Variants in C7orf33 observed in about 807,000 individuals in gnomAD.
C7orf33 encodes the protein chromosome 7 open reading frame 33, also known as uncharacterized protein C7orf33.
In C7orf33, 15 loss-of-function variants were observed where a neutral mutation model predicts 13.4. That is an observed-to-expected ratio of 1.12 (90% CI 0.75 to 1.72). C7orf33 has a LOEUF of 1.72. C7orf33 is among the 40% of genes most tolerant of loss of function. The probability of loss-of-function intolerance (pLI) is 0.00; values close to 1 mark genes in which losing one functional copy is unlikely to be tolerated. For missense variants in C7orf33, 187 were observed against 220.3 expected (o/e 0.85, Z 0.96); for synonymous variants, 73 against 83.2 (o/e 0.88, Z 0.67).
chr7:148,614,070 G>A lies in C7orf33; in HGVS notation c.233G>A (p.Arg78Gln), dbSNP rs200989751. Residue 78 changes from arginine to glutamine, a missense_variant, in exon 2 of 3, where the codon CGG (arginine) becomes CAG (glutamine). Physicochemically the swap from Arg to Gln is conservative, Grantham distance 43. Transcript: ENST00000307003. ...KKPNPHQNMNRGMEFIAPVSA... is the reference protein window; with the variant it reads ...KKPNPHQNMNQGMEFIAPVSA... ...CCAAACCCACACCAAAACATGAACC[G>A]GGGGATGGAATTTATTGCTCCTGTA... 45 of 1,613,872 alleles carry A rather than the reference G, an allele frequency of 2.8e-5. No individual in the cohort carries two copies. Among genetic ancestry groups the A allele is most frequent in the African/African-American group, 4.0e-5 (3 of 74,886 alleles).
Position 148,591,137 on chromosome 7 carries a change from A to C in C7orf33, c.204+8A>C. The C allele has an allele frequency of 6.2e-7, 1 of 1,608,606 alleles. No individual in the cohort carries two copies. Among genetic ancestry groups the C allele is most frequent in the Non-Finnish European group, 8.5e-7 (1 of 1,175,260 alleles). On this transcript the variant is annotated splice_region_variant and intron_variant, in intron 1 of 2. Coordinates refer to ENST00000307003, the MANE Select transcript of C7orf33 (RefSeq NM_145304.4). Reference sequence around the variant, plus strand: ...GCCACGGGAAGACATAAGGTAAGTTAATGATTCTAAGATGAATCAACTGCT... The same window carrying C: ...GCCACGGGAAGACATAAGGTAAGTTCATGATTCTAAGATGAATCAACTGCT...
chr7:148,591,694 G>A (rs1051568982), intron 1 of C7orf33, among the ~76,000 whole-genome samples: 2 of 152,024 alleles, frequency 1.3e-5, no homozygotes, highest in Non-Finnish European at 2.9e-5. Context: ...GATCCTCCCA[G>A]AGGAGCCTCC....
intron 1 of C7orf33, among the ~76,000 whole-genome samples, chr7:148,598,656 C>CTA (rs377080687): frequency 1.1e-3 from 152 of 138,472 alleles, no homozygotes; most frequent in Non-Finnish European, 2.1e-3. Flanking sequence ...CTCTCTCTCT[C>CTA]TATATATATA....
intron 1 of C7orf33, among the ~76,000 whole-genome samples, chr7:148,609,597 A>G (rs748167908): frequency 5.3e-5 from 8 of 152,208 alleles, no homozygotes; most frequent in African/African-American, 1.7e-4. Context: ...GTGGCTGCCA[A>G]TAACAACTGG....
rs764552024 is a variant in C7orf33, at chr7:148,591,135, T to A, written c.204+6T>A. On this transcript the variant is annotated splice_donor_region_variant and intron_variant, in intron 1 of 2. Coordinates refer to ENST00000307003, the MANE Select transcript of C7orf33 (RefSeq NM_145304.4). ...ATGCCACGGGAAGACATAAGGTAAG[T>A]TAATGATTCTAAGATGAATCAACTG... 1.7e-5 allele frequency: 28 copies of A among 1,609,360 alleles called. No homozygotes were observed. Among genetic ancestry groups the A allele is most frequent in the Non-Finnish European group, 2.4e-5 (28 of 1,176,042 alleles).
intron 1 of C7orf33, among the ~76,000 whole-genome samples, chr7:148,597,826 G>A (rs2116890539): frequency 6.6e-6 from 1 of 152,240 alleles, no homozygotes; most frequent in South Asian, 2.1e-4. Context: ...CGTGATCTCA[G>A]CTTACTGCAA....
At chr7:148,596,193 A>G (rs1291743453) in intron 1 of C7orf33, among the ~76,000 whole-genome samples, 1 of 152,202 alleles carries the variant, frequency 6.6e-6, no homozygotes, top group Non-Finnish European at 1.5e-5. Flanking sequence ...CTGAGCAGAA[A>G]ATAGAGATTT....
chr7:148,614,523 C>A (rs1796580521), intron 2 of C7orf33, among the ~76,000 whole-genome samples: 1 of 152,156 alleles, frequency 6.6e-6, no homozygotes, highest in Admixed American at 6.5e-5. Context: ...TCTGAAAGCA[C>A]CTTCTCCCTT....
rs373786504 is a variant in C7orf33 at position 148,614,099 on chromosome 7, G to C, written c.262G>C (p.Ala88Pro). 3.7e-6 allele frequency: 6 copies of C among 1,614,148 alleles called. No individual in the cohort carries two copies. Among genetic ancestry groups the C allele is most frequent in the Middle Eastern group, 1.6e-4 (1 of 6,062 alleles). Residue 88 changes from alanine (A) to proline (P), a missense_variant, in exon 2 of 3, where the codon GCT becomes CCT. Coordinates refer to ENST00000307003, the MANE Select transcript of C7orf33 (RefSeq NM_145304.4). ...GATGGAATTTATTGCTCCTGTATCA[G>C]CTCCCACCAAATCTGGTGCCCCGTG... ...RGMEFIAPVS[A>P]PTKSGAPWHF...
chr7:148,602,409 C>T (rs1330000732), intron 1 of C7orf33, among the ~76,000 whole-genome samples: 6 of 151,924 alleles, frequency 3.9e-5, no homozygotes, highest in African/African-American at 1.5e-4. Context: ...CCAGCCTAGC[C>T]AACATAGTGA....
Position 148,590,818 on chromosome 7 carries a change from T to C in C7orf33, c.-108T>C. 9.8e-7 allele frequency: 1 copy of C among 1,015,944 alleles called. No individual in the cohort carries two copies. The highest frequency in any genetic ancestry group is 2.0e-5 in the Admixed American group (1 of 51,220). 62.9% of individuals were successfully genotyped at this position (1,015,944 alleles called of 1,614,324 possible). ...AGGAGCGAGGCGCCCAGCCTGTGTC[T>C]GAATCCTCCTACTGACCCTGGGGAT... is the stretch of plus-strand genomic sequence containing the variant. On this transcript the variant is annotated 5_prime_UTR_variant, in exon 1 of 3. An upstream open reading frame in the 5' UTR loses its in-frame stop. Transcript: ENST00000307003.
At chr7:148,601,993 C>T (rs962213485) in intron 1 of C7orf33, among the ~76,000 whole-genome samples, 1 of 152,130 alleles carries the variant, frequency 6.6e-6, no homozygotes, top group African/African-American at 2.4e-5. Flanking sequence ...AAGCGATCCT[C>T]CTCCCTCAGC....
At chr7:148,596,053 T>C (rs1357815910) in intron 1 of C7orf33, among the ~76,000 whole-genome samples, 1 of 152,158 alleles carries the variant, frequency 6.6e-6, no homozygotes. Flanking sequence ...ATTCCAGTTA[T>C]AATCTCTATT....
chr7:148,599,694 C>T (rs1248948138), intron 1 of C7orf33, among the ~76,000 whole-genome samples: 4 of 151,904 alleles, frequency 2.6e-5, no homozygotes, highest in Admixed American at 1.3e-4. Flanking sequence ...AGGCTGGTCT[C>T]GAAATCCTGA....
intron 1 of C7orf33, among the ~76,000 whole-genome samples, chr7:148,596,920 C>T (rs1276644997): frequency 6.6e-6 from 1 of 152,162 alleles, no homozygotes; most frequent in African/African-American, 2.4e-5. Flanking sequence ...CAGTCCGTGG[C>T]CTTTTCAGAT....
At chr7:148,602,387 C>T (rs570961443) in intron 1 of C7orf33, among the ~76,000 whole-genome samples, 12 of 151,898 alleles carry the variant, frequency 7.9e-5, no homozygotes, top group South Asian at 6.3e-4. Flanking sequence ...ACTTGATGTC[C>T]GGAGTTCAAG....
chr7:148,603,377 T>C (rs1276062898), intron 1 of C7orf33, among the ~76,000 whole-genome samples: 1 of 151,976 alleles, frequency 6.6e-6, no homozygotes, highest in Non-Finnish European at 1.5e-5. Flanking sequence ...GCCAACATGG[T>C]GAAACCCCAT....
At chr7:148,598,763 T>TAG (rs774619392) in intron 1 of C7orf33, among the ~76,000 whole-genome samples, 92 of 26,194 alleles carry the variant, frequency 3.5e-3, no homozygotes, top group South Asian at 5.9e-3. Flanking sequence ...TATATATATA[T>TAG]AGAGAGAGAG....
chr7:148,596,964 T>G (rs1421976805), intron 1 of C7orf33, among the ~76,000 whole-genome samples: 1 of 152,216 alleles, frequency 6.6e-6, no homozygotes, highest in Non-Finnish European at 1.5e-5. Flanking sequence ...GCATTTAAGC[T>G]TCCTTCAGCC....
Sources: allele counts gnomAD v4.1 joint callset (sites outside exome capture counted in the v4.1 genomes callset), GRCh38; gene constraint gnomAD v4.1.1; transcripts MANE v1.5; gene names NCBI Gene and HGNC (gene_info 2026-07-23, HGNC 2026-07-21).